The following STAU2 variants were observed in gnomAD, a reference collection of about 807,000 sequenced individuals.
STAU2 encodes double-stranded RNA-binding protein Staufen homolog 2.
Under a neutral mutation model 65.9 loss-of-function variants are expected in STAU2, and 20 were observed. That is an observed-to-expected ratio of 0.30 (90% confidence interval 0.21 to 0.44). The LOEUF (loss-of-function observed/expected upper bound fraction) is 0.44. Ranked by LOEUF, STAU2 falls within the 20% of genes least tolerant of loss-of-function variation. The probability of loss-of-function intolerance (pLI) is 1.00; values close to 1 mark genes in which losing one functional copy is unlikely to be tolerated. For synonymous variants in STAU2, 232 were observed against 233.9 expected (o/e 0.99, Z 0.07); for missense variants, 558 against 683.9 (o/e 0.82, Z 2.05).
intron 13 of STAU2, among the ~76,000 whole-genome samples, chr8:73,448,675 C>T (rs1818613620): frequency 6.6e-6 from 1 of 152,232 alleles, no homozygotes; most frequent in Non-Finnish European, 1.5e-5. Context: ...GGTCATGGGA[C>T]TCATCCACGT....
chr8:73,521,893 G>A (rs1459976203), intron 13 of STAU2, among the ~76,000 whole-genome samples: 1 of 152,164 alleles, frequency 6.6e-6, no homozygotes, highest in Admixed American at 6.5e-5. Flanking sequence ...TCTTGCTTTT[G>A]TTGACTAGAA....
intron 12 of STAU2, among the ~76,000 whole-genome samples, chr8:73,571,926 A>G (rs1809122126): frequency 1.3e-5 from 2 of 152,290 alleles, no homozygotes; most frequent in Non-Finnish European, 2.9e-5. Context: ...ATAGAGACAC[A>G]AAAAACCCTT....
At chr8:73,421,563 C>A in intron 14 of STAU2, 98 bp from the exon 15 acceptor site, 1 of 1,081,518 alleles carries the variant, frequency 9.2e-7, no homozygotes, top group South Asian at 1.4e-5. Context: ...AAGGTCACCA[C>A]AAAAGTGACA....
intron 5 of STAU2, among the ~76,000 whole-genome samples, chr8:73,674,926 A>T (rs1817931408): frequency 6.6e-6 from 1 of 152,014 alleles, no homozygotes; most frequent in African/African-American, 2.4e-5. Context: ...AAAAAGTACT[A>T]GGTATTTCCT....
In STAU2 at chr8:73,610,799, T is replaced by C. The variant is rs965646843; in HGVS notation, c.891+2945A>G. On this transcript the variant is annotated intron_variant, in intron 9 of 14. Coordinates refer to ENST00000524300, the MANE Select transcript of STAU2 (RefSeq NM_001164380.2). ...AAACAGAATGTAAACACAAAGACATTATCAGGGCAGTTTTACATGTTAACA... is the reference window on the plus strand; with the variant it reads ...AAACAGAATGTAAACACAAAGACATCATCAGGGCAGTTTTACATGTTAACA... Among the ~76,000 whole-genome samples, 14 of 152,208 alleles carry C rather than the reference T, an allele frequency of 9.2e-5. No homozygotes were observed. The East Asian group carries it at 1.2e-3, about 13-fold the overall frequency.
chr8:73,669,568 TGGCCTCTTGA>T (rs2130383400), intron 6 of STAU2, among the ~76,000 whole-genome samples: 1 of 152,146 alleles, frequency 6.6e-6, no homozygotes, highest in South Asian at 2.1e-4. Flanking sequence ...CAAGCCACAT[TGGCCTCTTGA>T]GGCCAATGCC....
At chr8:73,509,646 G>C (rs1468115205) in intron 13 of STAU2, among the ~76,000 whole-genome samples, 1 of 151,818 alleles carries the variant, frequency 6.6e-6, no homozygotes, top group African/African-American at 2.4e-5. Context: ...GTGATTACTG[G>C]GTGTAAATCG....
chr8:73,730,315 A>C (rs1034314383), intron 3 of STAU2, among the ~76,000 whole-genome samples: 2 of 152,170 alleles, frequency 1.3e-5, no homozygotes, highest in African/African-American at 4.8e-5. Context: ...ATGATTACTA[A>C]CTTCATTCCA....
At chr8:73,650,997 C>T (rs558586628) in intron 6 of STAU2, among the ~76,000 whole-genome samples, 3 of 152,344 alleles carry the variant, frequency 2.0e-5, no homozygotes, top group Non-Finnish European at 2.9e-5. Flanking sequence ...CTGCCCCTGG[C>T]CAGCCCTGCC....
chr8:73,656,312 A>C (rs982763972), intron 6 of STAU2, among the ~76,000 whole-genome samples: 4 of 152,260 alleles, frequency 2.6e-5, no homozygotes, highest in Admixed American at 1.3e-4. Context: ...AAGGTCACTC[A>C]ATTTTTTCTA....
chr8:73,428,785 A>C (rs1817033288), intron 13 of STAU2, among the ~76,000 whole-genome samples: 1 of 152,156 alleles, frequency 6.6e-6, no homozygotes, highest in Admixed American at 6.5e-5. Flanking sequence ...GACCCATGGC[A>C]CCTGCTCTCT....
At chr8:73,696,959 A>G (rs1819727601) in intron 4 of STAU2, among the ~76,000 whole-genome samples, 1 of 152,250 alleles carries the variant, frequency 6.6e-6, no homozygotes, top group Non-Finnish European at 1.5e-5. Context: ...AAGGTCAAAT[A>G]TAAAGAAAGG....
intron 6 of STAU2, among the ~76,000 whole-genome samples, chr8:73,656,768 CCTTT>C (rs1484995120): frequency 6.6e-6 from 1 of 152,148 alleles, no homozygotes; most frequent in African/African-American, 2.4e-5. Flanking sequence ...TCAAAATCTG[CCTTT>C]ATTTCTCAAC....
intron 13 of STAU2, among the ~76,000 whole-genome samples, chr8:73,479,472 GCACA>G (rs5892420): frequency 1.1e-4 from 16 of 139,838 alleles, no homozygotes; most frequent in Admixed American, 7.9e-4. Flanking sequence ...TCCCTATTCT[GCACA>G]CACACACACA....
At position 73,613,770 on chromosome 8, in the gene STAU2, T is replaced by TA. The variant is rs1812639571; in HGVS notation, c.864dup (p.Lys289Ter). 6.2e-7 allele frequency: 1 copy of TA among 1,611,900 alleles called. No individual in the cohort carries two copies. The highest frequency in any genetic ancestry group is 8.5e-7 in the Non-Finnish European group (1 of 1,179,592). On this transcript the variant is annotated frameshift_variant, in exon 9 of 15. Coordinates refer to ENST00000524300, the MANE Select transcript of STAU2 (RefSeq NM_001164380.2). LOFTEE classifies it high-confidence loss of function. ...TTTACTATTGTTTTAGGGCGTTTTTTAAAAAATAGTTTTGGCTTTTCCACC... is the reference window on the plus strand; with the variant it reads ...TTTACTATTGTTTTAGGGCGTTTTTTAAAAAAATAGTTTTGGCTTTTCCACC...
At chr8:73,437,523 G>A (rs1200151474) in intron 13 of STAU2, among the ~76,000 whole-genome samples, 1 of 152,186 alleles carries the variant, frequency 6.6e-6, no homozygotes, top group East Asian at 1.9e-4. Flanking sequence ...CACCTCAATA[G>A]CTCCAGCGAG....
intron 9 of STAU2, among the ~76,000 whole-genome samples, chr8:73,612,567 T>G (rs1242151730): frequency 1.3e-5 from 2 of 152,200 alleles, no homozygotes; most frequent in African/African-American, 2.4e-5. Flanking sequence ...ACCTTACATA[T>G]AACATATAAT....
In STAU2 at chr8:73,506,726, T is replaced by C. The variant is rs568171685; in HGVS notation, c.1530+45286A>G. ...GACTAACTCTTCCTTTCACAAAAAA[T>C]TTCTCTGTAGTATGCAATGCTGTTT... On this transcript the variant is annotated intron_variant, in intron 13 of 14. Transcript: ENST00000524300. Among the ~76,000 whole-genome samples the C allele has an allele frequency of 3.9e-5, 6 of 152,250 alleles. No homozygotes were observed. The South Asian group carries it at 1.2e-3, about 32-fold the overall frequency.
chr8:73,687,188 A>G (rs1285404581), intron 5 of STAU2, among the ~76,000 whole-genome samples: 3 of 137,332 alleles, frequency 2.2e-5, no homozygotes, highest in Non-Finnish European at 4.6e-5. Flanking sequence ...TATAATATAT[A>G]CAATATATTA....
Sources: allele counts gnomAD v4.1 joint callset (sites outside exome capture counted in the v4.1 genomes callset), GRCh38; gene constraint gnomAD v4.1.1; transcripts MANE v1.5; gene names NCBI Gene and HGNC (gene_info 2026-07-23, HGNC 2026-07-21).